LANCL1: variants seen among roughly 807,000 people sequenced by gnomAD.
LANCL1 encodes the protein glutathione S-transferase LANCL1.
LANCL1 carries 50 observed loss-of-function variants against 50.6 expected under a neutral mutation model. The observed-to-expected ratio is 0.99, with a 90% CI of 0.79 to 1.25. The LOEUF (loss-of-function observed/expected upper bound fraction) is 1.25. LANCL1 is among the 50% of genes most tolerant of loss of function. LANCL1 has a pLI of 0.00. For missense variants in LANCL1, 532 were observed against 480.7 expected (o/e 1.11, Z -1.00); for synonymous variants, 188 against 178.6 (o/e 1.05, Z -0.42).
chr2:210,462,824 C>T (rs1693904883), intron 3 of LANCL1, among the ~76,000 whole-genome samples: 1 of 152,138 alleles, frequency 6.6e-6, no homozygotes, highest in South Asian at 2.1e-4. Flanking sequence ...TTCCAAATTC[C>T]TTTCATACTT....
intron 4 of LANCL1, among the ~76,000 whole-genome samples, chr2:210,442,889 T>C (rs963388240): frequency 3.9e-5 from 6 of 152,210 alleles, no homozygotes; most frequent in Admixed American, 2.0e-4. Context: ...CTTTTCTCAG[T>C]TCTCTTGTGC....
intron 2 of LANCL1, among the ~76,000 whole-genome samples, chr2:210,474,701 G>A (rs944176672): frequency 2.7e-5 from 4 of 150,670 alleles, no homozygotes; most frequent in African/African-American, 9.7e-5. Flanking sequence ...ACTCCAGCCT[G>A]GGCTCAGGGT....
intron 4 of LANCL1, among the ~76,000 whole-genome samples, chr2:210,447,290 C>T (rs768601073): frequency 5.3e-5 from 8 of 152,110 alleles, no homozygotes; most frequent in East Asian, 1.9e-4. Context: ...AAATCCTTTA[C>T]GGACAAGCAA....
At chr2:210,454,994 G>T in intron 4 of LANCL1, 113 bp downstream of exon 4, 1 of 811,788 alleles carries the variant, frequency 1.2e-6, no homozygotes, top group Non-Finnish European at 1.9e-6. Flanking sequence ...TGACAGCAGT[G>T]AGATTTATCT....
In LANCL1 at chr2:210,432,124, G is replaced by T. The variant is rs1692765176; in HGVS notation, c.*2363C>A. ...TGATGCCACTTCCTTTTAAAACTAAGAAGCCTAGTATAAAAGTTTCTTTAG... is the reference window on the plus strand; with the variant it reads ...TGATGCCACTTCCTTTTAAAACTAATAAGCCTAGTATAAAAGTTTCTTTAG... On this transcript the variant is annotated 3_prime_UTR_variant, in exon 10 of 10. Transcript: ENST00000450366. 1 of 152,132 alleles carries T rather than the reference G, an allele frequency of 6.6e-6. No individual in the cohort carries two copies. Among genetic ancestry groups the T allele is most frequent in the South Asian group, 2.1e-4 (1 of 4,830 alleles). The allele number at this position is 152,132 out of a possible 1,614,324, so 9.4% of individuals were successfully genotyped here. A position where few individuals can be genotyped will look rare whatever the true frequency, so the allele number is the denominator to read the frequency against.
intron 4 of LANCL1, among the ~76,000 whole-genome samples, chr2:210,446,309 A>G (rs1693327788): frequency 6.6e-6 from 1 of 152,006 alleles, no homozygotes; most frequent in Non-Finnish European, 1.5e-5. Context: ...CTGGTGATCA[A>G]TATCAACAAA....
At chr2:210,471,533 T>C in intron 3 of LANCL1, 1 of 457,936 alleles carries the variant, frequency 2.2e-6, no homozygotes, top group South Asian at 1.5e-5. Context: ...TATGGATTCC[T>C]GTTACGGGTT....
Position 210,476,385 on chromosome 2 carries a change from C to T in LANCL1, c.12G>A (p.Arg4=). The change falls in exon 2 of 10, where the codon AGG becomes AGA. Residue 4 remains arginine (R), a synonymous_variant. Transcript: ENST00000450366. MAQ[R]AFPNPYADYN... is the part of the protein sequence containing the mutation. ...AATCAGCATAAGGATTCGGGAAGGC[C>T]CTTTGAGCCATGACGCCGGAAGCAA... 1 of 1,613,922 alleles carries T rather than the reference C, an allele frequency of 6.2e-7. No homozygotes were observed. The highest frequency in any genetic ancestry group is 8.5e-7 in the Non-Finnish European group (1 of 1,179,972).
At chr2:210,442,469 ATAGT>A (rs1484815601) in intron 4 of LANCL1, 3 of 152,242 alleles carry the variant, frequency 2.0e-5, no homozygotes, top group African/African-American at 4.8e-5. Context: ...CCACTGAATT[ATAGT>A]TCATTCAATC....
chr2:210,455,564 A>T (rs2287431), intron 3 of LANCL1, among the ~76,000 whole-genome samples: 1 of 151,986 alleles, frequency 6.6e-6, no homozygotes, highest in Non-Finnish European at 1.5e-5. Context: ...AAGGTCTCTA[A>T]GGCTCTGGCC....
At chr2:210,460,414 T>C (rs1391724921) in intron 3 of LANCL1, 1 of 152,210 alleles carries the variant, frequency 6.6e-6, no homozygotes, top group African/African-American at 2.4e-5. Context: ...TAAGTTCAAA[T>C]ACATTTTTCC....
chr2:210,460,072 T>C (rs567493399), intron 3 of LANCL1, among the ~76,000 whole-genome samples: 1 of 152,198 alleles, frequency 6.6e-6, no homozygotes, highest in African/African-American at 2.4e-5. Context: ...CATATGCATA[T>C]GGAGATAAAA....
chr2:210,454,517 A>G (rs1335690619), intron 4 of LANCL1, among the ~76,000 whole-genome samples: 1 of 152,216 alleles, frequency 6.6e-6, no homozygotes, highest in Non-Finnish European at 1.5e-5. Context: ...TAGCACGCGC[A>G]GTGGAGCCTA....
At chr2:210,472,921 T>G (rs1432530918) in intron 2 of LANCL1, among the ~76,000 whole-genome samples, 1 of 152,198 alleles carries the variant, frequency 6.6e-6, no homozygotes, top group Non-Finnish European at 1.5e-5. Context: ...AGATATGGAT[T>G]GAAAATACAC....
chr2:210,467,016 C>T (rs985366792), intron 3 of LANCL1, among the ~76,000 whole-genome samples: 26 of 152,124 alleles, frequency 1.7e-4, no homozygotes, highest in Admixed American at 1.5e-3. Flanking sequence ...AGCTAATAGA[C>T]GCCACACCAG....
chr2:210,450,357 A>C (rs561615432), intron 4 of LANCL1, among the ~76,000 whole-genome samples: 2 of 152,368 alleles, frequency 1.3e-5, no homozygotes, highest in East Asian at 3.9e-4. Context: ...GATGGATTAA[A>C]GACTTAAATG....
At chr2:210,473,093 A>C (rs973707985) in intron 2 of LANCL1, among the ~76,000 whole-genome samples, 1 of 152,198 alleles carries the variant, frequency 6.6e-6, no homozygotes, top group Admixed American at 6.5e-5. Flanking sequence ...AAGTCACTGA[A>C]GGCCGGGCAC....
Position 210,440,722 on chromosome 2 carries a change from G to A in LANCL1, c.566C>T (p.Ser189Phe). The A allele has an allele frequency of 6.2e-7, 1 of 1,613,798 alleles. No individual in the cohort carries two copies. The highest frequency in any genetic ancestry group is 8.5e-7 in the Non-Finnish European group (1 of 1,179,878). Reference protein sequence around the residue: ...IQQICETILTSGENLARKRNF... With the variant: ...IQQICETILTFGENLARKRNF... ...TCTCTTCCTAGCTAGGTTTTCTCCA[G>A]AGGTTAAAATTGTTTCACAAATCTA... The change falls in exon 6 of 10, where the codon TCT becomes TTT. Residue 189 changes from serine (S) to phenylalanine (F), a missense_variant. Physicochemically the swap from Ser to Phe is radical, Grantham distance 155. Coordinates refer to ENST00000450366, the MANE Select transcript of LANCL1 (RefSeq NM_006055.3).
At chr2:210,463,524 G>A (rs1256673553) in intron 3 of LANCL1, among the ~76,000 whole-genome samples, 1 of 152,214 alleles carries the variant, frequency 6.6e-6, no homozygotes, top group Non-Finnish European at 1.5e-5. Context: ...TCACCACGAA[G>A]AGTGTTTTAA....
Sources: allele counts gnomAD v4.1 joint callset (sites outside exome capture counted in the v4.1 genomes callset), GRCh38; gene constraint gnomAD v4.1.1; transcripts MANE v1.5; gene names NCBI Gene and HGNC (gene_info 2026-07-23, HGNC 2026-07-21).